Variants in TAOK1 observed in about 807,000 individuals in gnomAD.
TAOK1 encodes the protein serine/threonine-protein kinase TAO1.
TAOK1 carries 21 observed loss-of-function variants against 138.3 expected under a neutral mutation model. That is an observed-to-expected ratio of 0.15 (90% CI 0.11 to 0.22). The LOEUF (loss-of-function observed/expected upper bound fraction) is 0.22. Ranked by LOEUF, TAOK1 falls within the 10% of genes least tolerant of loss-of-function variation. The probability of loss-of-function intolerance (pLI) is 1.00; values close to 1 mark genes in which losing one functional copy is unlikely to be tolerated. For missense variants in TAOK1, 651 were observed against 1,227.7 expected, an observed-to-expected ratio of 0.53 and a Z score of 7.02; for synonymous variants, 361 against 398.4, an observed-to-expected ratio of 0.91 and a Z score of 1.12.
Position 29,550,249 on chromosome 17 carries a change from CTT to C in TAOK1, c.*7230_*7231del, listed in dbSNP as rs769619893. 8 of 152,124 alleles carry C rather than the reference CTT, an allele frequency of 5.3e-5. No homozygotes were observed. Among genetic ancestry groups the C allele is most frequent in the Non-Finnish European group, 8.8e-5 (6 of 67,990 alleles). The allele number at this position is 152,124 out of a possible 1,614,324, so 9.4% of individuals were successfully genotyped here. A position where few individuals can be genotyped will look rare whatever the true frequency, so the allele number is the denominator to read the frequency against. ...TTGTTTTGTTATTTTTTAGGGAACT[CTT>C]TTGCAAAAGCAATGGTCGGATGTAA... On this transcript the variant is annotated 3_prime_UTR_variant, in exon 20 of 20. Transcript: ENST00000261716.
At chr17:29,486,587 C>T (rs997378448) in intron 8 of TAOK1, among the ~76,000 whole-genome samples, 2 of 151,600 alleles carry the variant, frequency 1.3e-5, no homozygotes, top group South Asian at 2.1e-4. Context: ...GAGCCGAGAT[C>T]GTGCCACTTC....
At chr17:29,496,668 A>G (rs576371229) in intron 11 of TAOK1, among the ~76,000 whole-genome samples, 9 of 144,326 alleles carry the variant, frequency 6.2e-5, no homozygotes, top group East Asian at 2.0e-4. Context: ...GCTCACTGCA[A>G]TCTCCACCTC....
chr17:29,474,841 T>A (rs1199066865), intron 3 of TAOK1, among the ~76,000 whole-genome samples: 1 of 102,564 alleles, frequency 9.8e-6, no homozygotes, highest in African/African-American at 5.1e-5. Context: ...GCTACAAACC[T>A]TCAATTTGTT....
chr17:29,510,253 C>T (rs565037660), intron 14 of TAOK1, among the ~76,000 whole-genome samples: 4 of 151,964 alleles, frequency 2.6e-5, no homozygotes, highest in South Asian at 4.2e-4. Flanking sequence ...GTCACACACC[C>T]GTAGTCACAG....
chr17:29,486,783 G>C (rs1320028585), intron 8 of TAOK1, among the ~76,000 whole-genome samples: 3 of 152,176 alleles, frequency 2.0e-5, no homozygotes, highest in Non-Finnish European at 4.4e-5. Flanking sequence ...AAAAAGATAT[G>C]TTCTAGTTTG....
At chr17:29,448,470 A>T (rs764346807) in intron 1 of TAOK1, among the ~76,000 whole-genome samples, 5 of 152,128 alleles carry the variant, frequency 3.3e-5, no homozygotes, top group Admixed American at 6.6e-5. Flanking sequence ...ATTCCAAGAT[A>T]GACATACATG....
intron 1 of TAOK1, among the ~76,000 whole-genome samples, chr17:29,449,867 A>G (rs1408582669): frequency 6.6e-6 from 1 of 152,108 alleles, no homozygotes; most frequent in East Asian, 1.9e-4. Flanking sequence ...AAGCCTGATG[A>G]AATCAATTTT....
intron 1 of TAOK1, among the ~76,000 whole-genome samples, chr17:29,428,046 TA>T (rs1307602222): frequency 6.6e-6 from 1 of 151,986 alleles, no homozygotes; most frequent in African/African-American, 2.4e-5. Context: ...AAGGAATGAA[TA>T]GACAGTTTCA....
At position 29,549,797 on chromosome 17, in the gene TAOK1, T is replaced by G. The variant is rs905923729; in HGVS notation, c.*6775T>G. 7 of 152,176 alleles carry G rather than the reference T, an allele frequency of 4.6e-5. No homozygotes were observed. Among genetic ancestry groups the G allele is most frequent in the African/African-American group, 1.7e-4 (7 of 41,452 alleles). The allele number at this position is 152,176 out of a possible 1,614,324, so 9.4% of individuals were successfully genotyped here. The stretch of plus-strand genomic sequence containing the variant: ...TATTGCCAGACAGCTCTCTTTTGGT[T>G]CCCATTCCAAATGTGCTGCTGTCCT... On this transcript the variant is annotated 3_prime_UTR_variant, in exon 20 of 20. Transcript: ENST00000261716.
chr17:29,480,173 G>A (rs569346615), intron 6 of TAOK1, 195 bp from the exon 7 acceptor site: 6 of 366,096 alleles, frequency 1.6e-5, no homozygotes, highest in Admixed American at 9.1e-5. Context: ...ATTACTATAT[G>A]TTTATTTGAA....
At chr17:29,490,710 A>C (rs1247044940) in intron 9 of TAOK1, among the ~76,000 whole-genome samples, 1 of 152,190 alleles carries the variant, frequency 6.6e-6, no homozygotes, top group Non-Finnish European at 1.5e-5. Context: ...GCTGTAACAG[A>C]GTATCAGAGG....
intron 19 of TAOK1, among the ~76,000 whole-genome samples, chr17:29,542,225 C>CTA (rs2032330190): frequency 6.6e-6 from 1 of 152,070 alleles, no homozygotes; most frequent in Non-Finnish European, 1.5e-5. Flanking sequence ...ACACTAGAGA[C>CTA]TACAGAAGGT....
At chr17:29,462,077 C>T (rs1385242870) in intron 2 of TAOK1, among the ~76,000 whole-genome samples, 1 of 152,168 alleles carries the variant, frequency 6.6e-6, no homozygotes, top group African/African-American at 2.4e-5. Flanking sequence ...ATGAAATGTG[C>T]AGTGTTTGTT....
rs150300324 is a variant in TAOK1, at chr17:29,534,095, TTCTCTC to T, written c.2362-13_2362-8del. On this transcript the variant is annotated splice_polypyrimidine_tract_variant and intron_variant, in intron 18 of 19. Coordinates refer to ENST00000261716, the MANE Select transcript of TAOK1 (RefSeq NM_020791.4). ...TAACATTAGGATATATCTTTTTTTT[TTCTCTC>T]TCTCTCTCTGTCTCAGCTGCGTTTG... 4.2e-6 allele frequency: 6 copies of T among 1,428,712 alleles called. No homozygotes were observed. The South Asian group carries it at 5.4e-5, about 13-fold the overall frequency. The allele number at this position is 1,428,712 out of a possible 1,614,324, so 88.5% of individuals were successfully genotyped here. A position where few individuals can be genotyped will look rare whatever the true frequency, so the allele number is the denominator to read the frequency against.
intron 1 of TAOK1, among the ~76,000 whole-genome samples, chr17:29,448,275 A>G (rs559894624): frequency 6.6e-6 from 1 of 152,100 alleles, no homozygotes; most frequent in East Asian, 1.9e-4. Flanking sequence ...TCACATGGCT[A>G]TTAGGCGCTC....
intron 18 of TAOK1, among the ~76,000 whole-genome samples, chr17:29,532,797 TC>T (rs1208844317): frequency 1.3e-5 from 2 of 151,362 alleles, no homozygotes; most frequent in South Asian, 2.1e-4. Flanking sequence ...TCCCTACCTT[TC>T]CCCCCTTTCT....
chr17:29,504,947 G>T (rs1296643020), intron 13 of TAOK1, among the ~76,000 whole-genome samples: 1 of 152,146 alleles, frequency 6.6e-6, no homozygotes, highest in Non-Finnish European at 1.5e-5. Context: ...AGAAGGACCA[G>T]CTCAAAGGAA....
intron 19 of TAOK1, among the ~76,000 whole-genome samples, chr17:29,536,942 C>T (rs1254988121): frequency 6.6e-5 from 10 of 152,160 alleles, no homozygotes; most frequent in African/African-American, 1.2e-4. Context: ...CCTCGTGATC[C>T]GCCTGCCTCG....
chr17:29,510,569 A>T (rs959343747), intron 14 of TAOK1, among the ~76,000 whole-genome samples: 1 of 152,122 alleles, frequency 6.6e-6, no homozygotes, highest in Non-Finnish European at 1.5e-5. Flanking sequence ...TTACTGAGGG[A>T]TTGAGGGTTG....
Sources: gnomAD v4.1 joint callset for allele counts (sites outside exome capture counted in the v4.1 genomes callset) on GRCh38, gnomAD v4.1.1 for gene constraint, MANE v1.5 for transcripts, NCBI Gene and HGNC (gene_info 2026-07-23, HGNC 2026-07-21) for gene names.